Variants in RTN4 observed in about 807,000 individuals in gnomAD.
The protein encoded by RTN4 is reticulon-4.
Under a neutral mutation model 90.4 loss-of-function variants are expected in RTN4, and 32 were observed. The ratio of observed to expected loss-of-function variants is 0.35; its 90% confidence interval spans 0.27 to 0.48. RTN4 has a LOEUF of 0.48. Ranked by LOEUF, RTN4 falls within the 20% of genes least tolerant of loss-of-function variation. The pLI is 0.99. For missense variants in RTN4, 1,706 were observed against 1,430.2 expected (o/e 1.19, Z -3.11); for synonymous variants, 629 against 552.5 (o/e 1.14, Z -1.94).
At chr2:54,991,648 C>T (rs747462497) in intron 3 of RTN4, among the ~76,000 whole-genome samples, 5 of 152,154 alleles carry the variant, frequency 3.3e-5, no homozygotes, top group Non-Finnish European at 7.3e-5. Flanking sequence ...GGATCCAAAC[C>T]GATGAAGTTT....
chr2:55,037,192 T>G (rs902188010), intron 1 of RTN4, among the ~76,000 whole-genome samples: 6 of 152,168 alleles, frequency 3.9e-5, no homozygotes, highest in African/African-American at 1.4e-4. Context: ...TGCACAAAAC[T>G]GCTATACTGA....
intron 3 of RTN4, among the ~76,000 whole-genome samples, chr2:54,995,771 G>A (rs1454828286): frequency 6.6e-6 from 1 of 152,032 alleles, no homozygotes; most frequent in Non-Finnish European, 1.5e-5. Context: ...AACCTAATGT[G>A]TACATCTTTA....
chr2:55,040,719 C>T (rs1394149348), intron 1 of RTN4, among the ~76,000 whole-genome samples: 2 of 152,008 alleles, frequency 1.3e-5, no homozygotes, highest in Non-Finnish European at 2.9e-5. Flanking sequence ...TTTCCTTCAT[C>T]TGCTACCTAT....
At chr2:54,991,029 G>A (rs866403835) in intron 3 of RTN4, among the ~76,000 whole-genome samples, 2 of 152,058 alleles carry the variant, frequency 1.3e-5, no homozygotes, top group South Asian at 2.1e-4. Context: ...TGATCCGCCC[G>A]CCTCGGCCTC....
chr2:55,011,671 C>A (rs944345782), intron 3 of RTN4, among the ~76,000 whole-genome samples: 2 of 151,996 alleles, frequency 1.3e-5, no homozygotes, highest in African/African-American at 2.4e-5. Flanking sequence ...TTAATATATA[C>A]TCCTATTATG....
At chr2:55,022,137 G>A (rs1417816102) in intron 3 of RTN4, among the ~76,000 whole-genome samples, 5 of 152,144 alleles carry the variant, frequency 3.3e-5, no homozygotes, top group African/African-American at 9.7e-5. Flanking sequence ...CTGAAATACT[G>A]AAATTCCTAA....
At chr2:55,101,041 A>G (rs551908713) in intron 1 of RTN4, among the ~76,000 whole-genome samples, 3 of 152,228 alleles carry the variant, frequency 2.0e-5, no homozygotes, top group African/African-American at 7.2e-5. Flanking sequence ...TAAGCCACTA[A>G]AATTATAAAA....
chr2:55,015,555 G>T lies in RTN4; in HGVS notation c.3013+9531C>A, dbSNP rs180725224. 4.3e-3 allele frequency among the ~76,000 whole-genome samples: 649 copies of T among 152,196 alleles called. 8 individuals carry two copies. Among genetic ancestry groups the T allele is most frequent in the African/African-American group, 0.015 (623 of 41,518 alleles). ...AATGAACACCTACATTTAAAAATGG[G>T]CAAAGAGTATGAACAAGCAAAAATC... On this transcript the variant is annotated intron_variant, in intron 3 of 8. Coordinates refer to ENST00000337526, the MANE Select transcript of RTN4 (RefSeq NM_020532.5).
chr2:55,137,476 G>A, the RTN4 span, among the ~76,000 whole-genome samples: 6 of 152,154 alleles, frequency 3.9e-5, no homozygotes, highest in Non-Finnish European at 7.3e-5. Context: ...ACTAAATTCC[G>A]GAGCGTTCGG....
At chr2:55,101,424 CTAA>C (rs555369719) in intron 1 of RTN4, among the ~76,000 whole-genome samples, 1 of 151,928 alleles carries the variant, frequency 6.6e-6, no homozygotes, top group Admixed American at 6.6e-5. Context: ...TTCTATAATA[CTAA>C]TAAGTTTCTG....
chr2:55,070,599 C>T (rs1039481706), intron 2 of RTN4, among the ~76,000 whole-genome samples: 6 of 151,334 alleles, frequency 4.0e-5, no homozygotes, highest in Non-Finnish European at 8.8e-5. Context: ...ATACTCCCTC[C>T]CATTTGCAAT....
chr2:54,992,701 T>C (rs940998829), intron 3 of RTN4, among the ~76,000 whole-genome samples: 1 of 152,088 alleles, frequency 6.6e-6, no homozygotes, highest in Non-Finnish European at 1.5e-5. Context: ...ATCTACATTA[T>C]CACAGAAACA....
chr2:54,979,119 T>G (rs1003619801), intron 5 of RTN4, among the ~76,000 whole-genome samples: 2 of 151,964 alleles, frequency 1.3e-5, no homozygotes, highest in Non-Finnish European at 2.9e-5. Flanking sequence ...AGTGGTATGA[T>G]TATGGCTCAC....
chr2:55,116,007 A>G (rs1002573680), upstream of RTN4, among the ~76,000 whole-genome samples: 4 of 152,044 alleles, frequency 2.6e-5, no homozygotes, highest in South Asian at 2.1e-4. Context: ...GGTGCATTCA[A>G]CATGGCTACT....
intron 1 of RTN4, among the ~76,000 whole-genome samples, chr2:55,044,858 A>G (rs140441952): frequency 2.2e-4 from 34 of 151,796 alleles, no homozygotes; most frequent in African/African-American, 8.0e-4. Context: ...CTGAAACATA[A>G]TTCACCATAT....
intron 1 of RTN4, among the ~76,000 whole-genome samples, chr2:55,049,389 A>G (rs952734039): frequency 6.6e-6 from 1 of 152,144 alleles, no homozygotes; most frequent in African/African-American, 2.4e-5. Context: ...TCGAAGCCCA[A>G]CCAACCCGAT....
chr2:54,972,432 C>T lies in RTN4; in HGVS notation c.*724G>A, dbSNP rs989318364. 2.6e-5 allele frequency: 4 copies of T among 151,600 alleles called. No individual in the cohort carries two copies. The highest frequency in any genetic ancestry group is 9.7e-5 in the African/African-American group (4 of 41,298). The allele number at this position is 151,600 out of a possible 1,614,324, so 9.4% of individuals were successfully genotyped here. A position where few individuals can be genotyped will look rare whatever the true frequency, so the allele number is the denominator to read the frequency against. On this transcript the variant is annotated 3_prime_UTR_variant, in exon 9 of 9. Coordinates refer to ENST00000337526, the MANE Select transcript of RTN4 (RefSeq NM_020532.5). Reference sequence around the variant, plus strand: ...GTGCAATGAAATTGATGTTGGAGTTCTATGTGTGTGGCATTTCATGTTGAA... The same window carrying T: ...GTGCAATGAAATTGATGTTGGAGTTTTATGTGTGTGGCATTTCATGTTGAA...
upstream of RTN4, among the ~76,000 whole-genome samples, chr2:55,055,663 G>A (rs1180145345): frequency 6.6e-6 from 1 of 151,818 alleles, no homozygotes; most frequent in Non-Finnish European, 1.5e-5. Flanking sequence ...CCAGCTACTC[G>A]GGAGGCTGAG....
intron 3 of RTN4, among the ~76,000 whole-genome samples, chr2:55,021,165 T>C (rs1353020686): frequency 1.3e-5 from 2 of 152,202 alleles, no homozygotes; most frequent in African/African-American, 4.8e-5. Flanking sequence ...TTTTAAGTCA[T>C]CTGAGAAGAG....
Sources: gnomAD v4.1 joint callset for allele counts (sites outside exome capture counted in the v4.1 genomes callset) on GRCh38, gnomAD v4.1.1 for gene constraint, MANE v1.5 for transcripts, NCBI Gene and HGNC (gene_info 2026-07-23, HGNC 2026-07-21) for gene names.